Variants in GLE1 observed in about 807,000 individuals in gnomAD.
GLE1 encodes the protein mRNA export factor GLE1.
In GLE1, 78 loss-of-function variants were observed where a neutral mutation model predicts 97.3. The observed-to-expected ratio is 0.80, with a 90% confidence interval of 0.67 to 0.97. The LOEUF (loss-of-function observed/expected upper bound fraction) is 0.97. Among genes scored for constraint, GLE1 ranks in the 50% least tolerant of loss-of-function variants. The pLI, the probability that GLE1 is intolerant of heterozygous loss-of-function variation, is 0.00. For missense variants in GLE1, 753 were observed against 857.5 expected, an observed-to-expected ratio of 0.88 and a Z score of 1.52; for synonymous variants, 302 against 313.4, an observed-to-expected ratio of 0.96 and a Z score of 0.39.
At chr9:128,523,188 A>G in intron 4 of GLE1, 92 bp from the exon 5 acceptor site, 2 of 953,234 alleles carry the variant, frequency 2.1e-6, no homozygotes, top group Non-Finnish European at 3.5e-6. Context: ...GAAGGAAGGG[A>G]AGGGAGGGCA....
chr9:128,508,380 G>A (rs564148037), intron 1 of GLE1, among the ~76,000 whole-genome samples: 1 of 152,216 alleles, frequency 6.6e-6, no homozygotes, highest in African/African-American at 2.4e-5. Flanking sequence ...ACTCCAGCCT[G>A]GGTAACAGAG....
At chr9:128,504,987 C>T (rs79699209) in intron 1 of GLE1, 83 bp downstream of exon 1, 1 of 868,838 alleles carries the variant, frequency 1.2e-6, no homozygotes, top group Non-Finnish European at 2.0e-6. Context: ...ACGTTCTGCT[C>T]CCGGGAACCC....
intron 1 of GLE1, among the ~76,000 whole-genome samples, chr9:128,505,380 C>G (rs1846611833): frequency 6.6e-6 from 1 of 152,112 alleles, no homozygotes; most frequent in African/African-American, 2.4e-5. Flanking sequence ...AAGCTCTGCG[C>G]GAGAAGTGGA....
chr9:128,506,237 C>T (rs1846637384), intron 1 of GLE1, among the ~76,000 whole-genome samples: 1 of 151,834 alleles, frequency 6.6e-6, no homozygotes, highest in Non-Finnish European at 1.5e-5. Flanking sequence ...CCCAGCTACT[C>T]GGGAGACTGA....
At position 128,522,672 on chromosome 9, in the gene GLE1, G is replaced by A. The variant is rs758822493; in HGVS notation, c.437G>A (p.Gly146Asp). Reference protein sequence around the residue: ...ELVHRMKGTEGLRLWQEEQER... With the variant: ...ELVHRMKGTEDLRLWQEEQER... ...AAAAAAAAAAAACCTTTTCAGGAGG[G>A]CCTGAGGCTATGGCAGGAGGAGCAG... is the stretch of plus-strand genomic sequence containing the variant. The change falls in exon 4 of 16, where the codon GGC (glycine) becomes GAC (aspartate). Residue 146 changes from glycine to aspartate, a missense_variant. Transcript: ENST00000309971. The A allele has an allele frequency of 4.4e-6, 7 of 1,606,154 alleles. No homozygotes were observed. In the African/African-American group the frequency reaches 8.1e-5, roughly 19 times the overall value.
chr9:128,534,881 G>A (rs1292585455), intron 11 of GLE1, among the ~76,000 whole-genome samples: 1 of 151,626 alleles, frequency 6.6e-6, no homozygotes, highest in Non-Finnish European at 1.5e-5. Flanking sequence ...ACCACGCCCA[G>A]CTAATTTTTA....
chr9:128,504,964 C>T (rs2132390857), intron 1 of GLE1, 60 bp downstream of exon 1: 3 of 1,149,924 alleles, frequency 2.6e-6, no homozygotes, highest in Non-Finnish European at 3.9e-6. Context: ...AAACCTTCTC[C>T]CTAGCCGTTG....
intron 9 of GLE1, among the ~76,000 whole-genome samples, chr9:128,531,912 T>C (rs1164006726): frequency 6.6e-6 from 1 of 151,818 alleles, no homozygotes. Flanking sequence ...ATGATGTTGC[T>C]GTGGCATGGG....
At chr9:128,523,878 T>C in intron 6 of GLE1, 32 bp downstream of exon 6, 1 of 1,612,074 alleles carries the variant, frequency 6.2e-7, no homozygotes, top group African/African-American at 1.3e-5. Flanking sequence ...CTCTTTGCTG[T>C]CTTTGAAATG....
intron 9 of GLE1, among the ~76,000 whole-genome samples, chr9:128,530,088 G>A (rs562340303): frequency 6.6e-6 from 1 of 152,272 alleles, no homozygotes. Flanking sequence ...GAGCCACTGT[G>A]CCCGGCTGGG....
intron 3 of GLE1, among the ~76,000 whole-genome samples, chr9:128,521,874 G>C (rs1231097170): frequency 6.6e-6 from 1 of 152,166 alleles, no homozygotes; most frequent in Non-Finnish European, 1.5e-5. Context: ...ATGTCAAATT[G>C]CCTTTAACCA....
rs1230973403 is a variant in GLE1 at position 128,542,178 on chromosome 9, T to C, written c.*1008T>C. 1 of 152,182 alleles carries C rather than the reference T, an allele frequency of 6.6e-6. No individual in the cohort carries two copies. Among genetic ancestry groups the C allele is most frequent in the Non-Finnish European group, 1.5e-5 (1 of 68,024 alleles). The allele number at this position is 152,182 out of a possible 1,614,324, so 9.4% of individuals were successfully genotyped here. The stretch of plus-strand genomic sequence containing the variant: ...CTAAATGTCTTGTGGCAGGGTGTGT[T>C]TGTGGGGGAGTGTTCACTGGTACTC... On this transcript the variant is annotated 3_prime_UTR_variant, in exon 16 of 16. Transcript: ENST00000309971.
intron 7 of GLE1, among the ~76,000 whole-genome samples, chr9:128,526,459 C>T (rs1847303102): frequency 6.6e-6 from 1 of 151,966 alleles, no homozygotes; most frequent in African/African-American, 2.4e-5. Flanking sequence ...CAGGTTCAAG[C>T]GATTCTCCTG....
chr9:128,541,116 C>G lies in GLE1; in HGVS notation c.2043C>G (p.His681Gln), dbSNP rs749377351. 3.2e-6 allele frequency: 5 copies of G among 1,578,152 alleles called. No individual in the cohort carries two copies. The South Asian group carries it at 5.5e-5, about 17-fold the overall frequency. Residue 681 changes from histidine to glutamine, a missense_variant, in exon 16 of 16, where the codon CAC (histidine) becomes CAG (glutamine). Physicochemically the swap from His to Gln is conservative, Grantham distance 24. Transcript: ENST00000309971. Reference sequence around the variant, plus strand: ...TCCCTGACCAGAAATGTTTGCAACACAAGGACATTCCTGTCCCCAAGGGCT... The same window carrying G: ...TCCCTGACCAGAAATGTTTGCAACAGAAGGACATTCCTGTCCCCAAGGGCT... ...LKQFLEKCLQ[H>Q]KDIPVPKGFL...
chr9:128,539,145 A>T (rs1409511428), intron 13 of GLE1, among the ~76,000 whole-genome samples: 6 of 152,138 alleles, frequency 3.9e-5, no homozygotes, highest in African/African-American at 1.4e-4. Flanking sequence ...AGGTTGGAGG[A>T]TCACCTGAGC....
At chr9:128,513,708 CA>C (rs374811299) in intron 2 of GLE1, among the ~76,000 whole-genome samples, 1,354 of 115,056 alleles carry the variant, frequency 0.012, 15 homozygotes, top group Middle Eastern at 0.018. Context: ...GACCCTGTCT[CA>C]AAAAAAAAAA....
chr9:128,540,600 A>G, intron 15 of GLE1: 1 of 470,878 alleles, frequency 2.1e-6, no homozygotes, highest in Middle Eastern at 6.1e-4. Flanking sequence ...TCCTCTCATT[A>G]ATATATATTT....
chr9:128,506,222 G>A (rs893292182), intron 1 of GLE1, among the ~76,000 whole-genome samples: 1 of 152,066 alleles, frequency 6.6e-6, no homozygotes, highest in Non-Finnish European at 1.5e-5. Context: ...GTGCATGCCT[G>A]TAATCCCAGC....
At chr9:128,532,274 G>A (rs1448203208) in intron 9 of GLE1, among the ~76,000 whole-genome samples, 1 of 143,248 alleles carries the variant, frequency 7.0e-6, no homozygotes, top group Non-Finnish European at 1.5e-5. Flanking sequence ...ACCCAGGCTG[G>A]AGTGCAGTGG....
Sources: allele counts gnomAD v4.1 joint callset (sites outside exome capture counted in the v4.1 genomes callset), GRCh38; gene constraint gnomAD v4.1.1; transcripts MANE v1.5; gene names NCBI Gene and HGNC (gene_info 2026-07-23, HGNC 2026-07-21).